RBFOX1: variants seen among roughly 807,000 people sequenced by gnomAD.
The protein encoded by RBFOX1 is RNA binding fox-1 homolog 1.
RBFOX1 carries 8 observed loss-of-function variants against 57.7 expected under a neutral mutation model. The observed-to-expected ratio is 0.14, with a 90% CI of 0.08 to 0.25. RBFOX1 has a LOEUF of 0.25. Among genes scored for constraint, RBFOX1 ranks in the 10% least tolerant of loss-of-function variants. The pLI is 1.00. For synonymous variants in RBFOX1, 326 were observed against 222.4 expected, an observed-to-expected ratio of 1.47 and a Z score of -4.15; for missense variants, 611 against 548.5, an observed-to-expected ratio of 1.11 and a Z score of -1.14.
intron 1 of RBFOX1, among the ~76,000 whole-genome samples, chr16:6,244,155 C>G (rs1283733918): frequency 6.6e-5 from 10 of 152,034 alleles, no homozygotes; most frequent in Admixed American, 5.9e-4. Context: ...ACTCCATTAT[C>G]CCTTCTAGTC....
intron 2 of RBFOX1, among the ~76,000 whole-genome samples, chr16:6,338,173 G>C (rs1020308609): frequency 1.3e-5 from 2 of 152,124 alleles, no homozygotes; most frequent in African/African-American, 4.8e-5. Context: ...TTTCCATTAA[G>C]TATTACATTT....
At chr16:6,918,606 C>A (rs900997845) in intron 3 of RBFOX1, among the ~76,000 whole-genome samples, 2 of 152,092 alleles carry the variant, frequency 1.3e-5, no homozygotes, top group African/African-American at 4.8e-5. Flanking sequence ...AATTATTTAT[C>A]TTACCCAAAT....
chr16:5,595,114 C>G (rs896626376), intron 2 of RBFOX1, among the ~76,000 whole-genome samples: 2 of 151,992 alleles, frequency 1.3e-5, no homozygotes, highest in African/African-American at 2.4e-5. Context: ...CCACTGCACT[C>G]TAGCCTGGGT....
At chr16:6,667,143 G>A (rs147276117) in intron 3 of RBFOX1, among the ~76,000 whole-genome samples, 47 of 152,256 alleles carry the variant, frequency 3.1e-4, no homozygotes, top group Middle Eastern at 3.4e-3. Context: ...GTAAAAAGAC[G>A]CAGAGCTTCT....
chr16:6,839,137 A>T (rs1429988369), intron 3 of RBFOX1, among the ~76,000 whole-genome samples: 1 of 145,050 alleles, frequency 6.9e-6, no homozygotes, highest in African/African-American at 2.5e-5. Context: ...GGCACACACC[A>T]CCACACCCAG....
At chr16:5,537,628 C>G (rs1033910385) in intron 2 of RBFOX1, among the ~76,000 whole-genome samples, 3 of 152,152 alleles carry the variant, frequency 2.0e-5, no homozygotes, top group African/African-American at 7.2e-5. Flanking sequence ...TTGTTCCCAG[C>G]CTGGAGTAGC....
chr16:6,612,114 T>C (rs1038160005), intron 2 of RBFOX1, among the ~76,000 whole-genome samples: 1 of 152,232 alleles, frequency 6.6e-6, no homozygotes. Flanking sequence ...TGGTACATGA[T>C]GCATCTAGGG....
Position 6,003,344 on chromosome 16 carries a change from C to G in RBFOX1, c.351+136009C>G, listed in dbSNP as rs185817357. On this transcript the variant is annotated intron_variant, in intron 4 of 19. Transcript: ENST00000641259. ...AAATGAGATCAAGACGTTTGTTTCC[C>G]TGGTTCCCTCCTTGTGAGATCTCCT... is the stretch of plus-strand genomic sequence containing the variant. 4.1e-3 allele frequency among the ~76,000 whole-genome samples: 622 copies of G among 151,952 alleles called. 3 individuals carry two copies. Among genetic ancestry groups the G allele is most frequent in the African/African-American group, 0.014 (570 of 41,450 alleles).
intron 4 of RBFOX1, among the ~76,000 whole-genome samples, chr16:7,270,325 CCAAA>C (rs2095287139): frequency 6.6e-6 from 1 of 152,100 alleles, no homozygotes; most frequent in African/African-American, 2.4e-5. Context: ...TTATGAAAAA[CCAAA>C]CAGAATTACT....
chr16:6,147,770 C>G (rs772204970), intron 1 of RBFOX1, among the ~76,000 whole-genome samples: 6 of 152,216 alleles, frequency 3.9e-5, no homozygotes, highest in Non-Finnish European at 8.8e-5. Context: ...ATTGGTGTCA[C>G]CATCCACTCA....
chr16:6,906,843 C>T (rs1428012976), intron 3 of RBFOX1, among the ~76,000 whole-genome samples: 1 of 151,886 alleles, frequency 6.6e-6, no homozygotes, highest in East Asian at 1.9e-4. Flanking sequence ...CTGCCTCAGC[C>T]TCCTGAGTAG....
chr16:5,368,714 C>T (rs1220295219), intron 1 of RBFOX1, among the ~76,000 whole-genome samples: 1 of 152,102 alleles, frequency 6.6e-6, no homozygotes, highest in Non-Finnish European at 1.5e-5. Flanking sequence ...AGGGGCTGGC[C>T]CTTAGTGACA....
At chr16:5,296,612 T>G (rs1235641799) in intron 1 of RBFOX1, among the ~76,000 whole-genome samples, 1 of 151,932 alleles carries the variant, frequency 6.6e-6, no homozygotes, top group Non-Finnish European at 1.5e-5. Context: ...TTTTCCTCCT[T>G]TCTGACATTT....
At chr16:5,987,741 A>C (rs990789404) in intron 4 of RBFOX1, among the ~76,000 whole-genome samples, 1 of 152,158 alleles carries the variant, frequency 6.6e-6, no homozygotes, top group African/African-American at 2.4e-5. Flanking sequence ...AGTTATGTTT[A>C]GTTTGAGGTT....
chr16:7,307,401 C>T (rs969847679), intron 4 of RBFOX1, among the ~76,000 whole-genome samples: 5 of 152,188 alleles, frequency 3.3e-5, no homozygotes, highest in African/African-American at 9.7e-5. Flanking sequence ...GCCTCAGCAT[C>T]GGAGTCTACT....
At position 5,480,508 on chromosome 16, in the gene RBFOX1, C is replaced by T. The variant is rs562548133; in HGVS notation, c.258+13254C>T. ...AAACCCTGCTGCCGCTGAAAATGCA[C>T]GGGATTAGACAATTCAAATGGTATA... On this transcript the variant is annotated intron_variant, in intron 2 of 2. Coordinates refer to the RBFOX1 transcript ENST00000585867. Among the ~76,000 whole-genome samples the T allele has an allele frequency of 4.6e-5, 7 of 152,268 alleles. No individual in the cohort carries two copies. In the South Asian group the frequency reaches 6.2e-4, roughly 14 times the overall value.
At chr16:6,301,151 A>C (rs1019547111) in intron 1 of RBFOX1, among the ~76,000 whole-genome samples, 3 of 152,210 alleles carry the variant, frequency 2.0e-5, no homozygotes, top group African/African-American at 7.2e-5. Context: ...TTGCTTCTTT[A>C]AATTGTAGAC....
intron 4 of RBFOX1, among the ~76,000 whole-genome samples, chr16:7,096,021 A>C (rs1424309803): frequency 6.6e-6 from 1 of 151,418 alleles, no homozygotes; most frequent in African/African-American, 2.4e-5. Context: ...TCAAAAAAAA[A>C]AAAAAAAAGA....
At chr16:7,149,869 C>A (rs557963536) in intron 4 of RBFOX1, among the ~76,000 whole-genome samples, 1 of 152,322 alleles carries the variant, frequency 6.6e-6, no homozygotes, top group South Asian at 2.1e-4. Context: ...TTAATGTAGC[C>A]CTTTCTATCT....
Sources: allele counts gnomAD v4.1 joint callset (sites outside exome capture counted in the v4.1 genomes callset), GRCh38; gene constraint gnomAD v4.1.1; transcripts MANE v1.5; gene names NCBI Gene and HGNC (gene_info 2026-07-23, HGNC 2026-07-21).